Variants in ATAD2 observed in about 807,000 individuals in gnomAD.
ATAD2 encodes the protein ATPase family AAA domain containing 2.
ATAD2 carries 62 observed loss-of-function variants against 168.9 expected under a neutral mutation model. The observed-to-expected ratio is 0.37, with a 90% CI of 0.30 to 0.45. The LOEUF is 0.45. Ranked by LOEUF, ATAD2 falls within the 20% of genes least tolerant of loss-of-function variation. The pLI, the probability that ATAD2 is intolerant of heterozygous loss-of-function variation, is 1.00. For synonymous variants in ATAD2, 613 were observed against 571.6 expected (o/e 1.07, Z -1.03); for missense variants, 1,419 against 1,667.8 (o/e 0.85, Z 2.60).
intron 22 of ATAD2, among the ~76,000 whole-genome samples, chr8:123,335,601 A>G (rs1003979071): frequency 6.6e-6 from 1 of 152,230 alleles, no homozygotes; most frequent in Admixed American, 6.5e-5. Context: ...AAAAAATTAA[A>G]TAAGCACCCA....
intron 3 of ATAD2, 123 bp downstream of exon 3, chr8:123,372,514 C>A: frequency 2.7e-6 from 2 of 744,848 alleles, no homozygotes; most frequent in Admixed American, 2.9e-5. Context: ...CATATACTTA[C>A]GTTAAAACCT....
rs1003696685 is a variant in ATAD2, at chr8:123,388,059, A to G, written c.172-7382T>C. ...TTGTCTTTAAACATGAGTTTAAACC[A>G]CTTCACCATCTACTCGGTAAACTCC... On this transcript the variant is annotated intron_variant, in intron 1 of 27. Transcript: ENST00000287394. Among the ~76,000 whole-genome samples, 74 of 152,290 alleles carry G rather than the reference A, an allele frequency of 4.9e-4. 1 individual carries two copies. Among genetic ancestry groups the G allele is most frequent in the African/African-American group, 1.7e-3 (71 of 41,556 alleles).
chr8:123,411,262 G>T (rs553550271), intron 1 of ATAD2, among the ~76,000 whole-genome samples: 1 of 152,066 alleles, frequency 6.6e-6, no homozygotes, highest in Non-Finnish European at 1.5e-5. Context: ...AAGATCTACC[G>T]CGGACCCCTG....
intron 25 of ATAD2, among the ~76,000 whole-genome samples, chr8:123,327,586 A>G (rs1352589491): frequency 2.0e-5 from 3 of 152,004 alleles, no homozygotes; most frequent in African/African-American, 7.2e-5. Context: ...ATTATCCACT[A>G]TTTTGCTTTG....
chr8:123,380,903 TA>T, intron 1 of ATAD2: 1 of 495,080 alleles, frequency 2.0e-6, no homozygotes. Flanking sequence ...TACTGGTTTA[TA>T]GTTCATAACA....
At chr8:123,395,926 G>T (rs1018134988) in intron 1 of ATAD2, among the ~76,000 whole-genome samples, 1 of 152,208 alleles carries the variant, frequency 6.6e-6, no homozygotes, top group African/African-American at 2.4e-5. Context: ...ACCGCACTCC[G>T]CTGTGGCGGG....
At chr8:123,355,228 G>A (rs1011525359) in intron 13 of ATAD2, among the ~76,000 whole-genome samples, 5 of 152,060 alleles carry the variant, frequency 3.3e-5, no homozygotes, top group African/African-American at 9.7e-5. Flanking sequence ...AGCAAATCTT[G>A]TTAGATGTTA....
upstream of ATAD2, chr8:123,401,226 G>C: frequency 1.1e-6 from 1 of 899,744 alleles, no homozygotes; most frequent in Non-Finnish European, 1.9e-6. Context: ...ACGATGATGA[G>C]CTGGTGGCCA....
intron 13 of ATAD2, 67 bp downstream of exon 13, chr8:123,356,322 T>C: frequency 7.6e-7 from 1 of 1,309,736 alleles, no homozygotes; most frequent in Non-Finnish European, 1.1e-6. Flanking sequence ...TAACATTCTA[T>C]CTCTCACACA....
At chr8:123,356,675 A>G (rs1224303408) in intron 12 of ATAD2, among the ~76,000 whole-genome samples, 198 bp from the exon 13 acceptor site, 1 of 148,106 alleles carries the variant, frequency 6.8e-6, no homozygotes, top group Non-Finnish European at 1.5e-5. Context: ...TTTGAGATGG[A>G]GTCTCACTGT....
At chr8:123,399,599 G>A (rs1183500643), upstream of ATAD2, among the ~76,000 whole-genome samples, 1 of 152,132 alleles carries the variant, frequency 6.6e-6, no homozygotes, top group Non-Finnish European at 1.5e-5. Context: ...GCTCACACCT[G>A]TAATCCCAGC....
intron 12 of ATAD2, 124 bp from the exon 13 acceptor site, chr8:123,356,601 T>C (rs1409079312): frequency 1.9e-5 from 9 of 476,402 alleles, no homozygotes; most frequent in South Asian, 6.4e-5. Flanking sequence ...GCTGAATATA[T>C]ACTATTTGAA....
At chr8:123,365,510 G>A (rs1332872382) in intron 8 of ATAD2, among the ~76,000 whole-genome samples, 1 of 152,068 alleles carries the variant, frequency 6.6e-6, no homozygotes, top group Admixed American at 6.6e-5. Flanking sequence ...GAAGCATTAC[G>A]TTACCTGATT....
At chr8:123,392,616 A>G (rs1812631946) in intron 1 of ATAD2, among the ~76,000 whole-genome samples, 2 of 151,766 alleles carry the variant, frequency 1.3e-5, no homozygotes, top group Admixed American at 1.3e-4. Flanking sequence ...GTTTAAAATA[A>G]TGTAAAAAAA....
At chr8:123,342,744 CAG>C (rs564283443) in intron 19 of ATAD2, among the ~76,000 whole-genome samples, 122 of 152,282 alleles carry the variant, frequency 8.0e-4, no homozygotes, top group South Asian at 2.5e-3. Flanking sequence ...AATTATTATA[CAG>C]AGTCACTGGG....
chr8:123,410,077 T>TTA (rs1813131901), intron 1 of ATAD2, among the ~76,000 whole-genome samples: 1 of 152,160 alleles, frequency 6.6e-6, no homozygotes, highest in African/African-American at 2.4e-5. Context: ...GTGGCCTTTC[T>TTA]TATAATTTCC....
intron 19 of ATAD2, among the ~76,000 whole-genome samples, chr8:123,343,265 C>A (rs896855163): frequency 6.6e-6 from 1 of 152,080 alleles, no homozygotes; most frequent in Admixed American, 6.6e-5. Context: ...CGTGAACCAC[C>A]GCATCCGGCC....
chr8:123,356,339 C>G (rs1198886905), intron 13 of ATAD2, 50 bp downstream of exon 13: 2 of 1,454,862 alleles, frequency 1.4e-6, no homozygotes, highest in Non-Finnish European at 1.9e-6. Flanking sequence ...CACATCAATA[C>G]CACTCAGGAA....
At chr8:123,375,671 T>A (rs1248584086) in intron 2 of ATAD2, among the ~76,000 whole-genome samples, 1 of 152,166 alleles carries the variant, frequency 6.6e-6, no homozygotes, top group Non-Finnish European at 1.5e-5. Flanking sequence ...TGACTCTTAT[T>A]CAACAATAAG....
Sources: gnomAD v4.1 joint callset for allele counts (sites outside exome capture counted in the v4.1 genomes callset) on GRCh38, gnomAD v4.1.1 for gene constraint, MANE v1.5 for transcripts, NCBI Gene and HGNC (gene_info 2026-07-23, HGNC 2026-07-21) for gene names.